NALCN: variants seen among roughly 807,000 people sequenced by gnomAD.
NALCN encodes the protein sodium leak channel NALCN.
In NALCN, 111 loss-of-function variants were observed where a neutral mutation model predicts 225.3. That is an observed-to-expected ratio of 0.49 (90% CI 0.42 to 0.58). The LOEUF (loss-of-function observed/expected upper bound fraction) is 0.58, where lower values mean the gene tolerates loss of function less well. Among genes scored for constraint, NALCN ranks in the 20% least tolerant of loss-of-function variants. The pLI, the probability that NALCN is intolerant of heterozygous loss-of-function variation, is 0.00. For synonymous variants in NALCN, 764 were observed against 769.0 expected, an observed-to-expected ratio of 0.99 and a Z score of 0.11; for missense variants, 1,378 against 2,202.4, an observed-to-expected ratio of 0.63 and a Z score of 7.49.
intron 13 of NALCN, among the ~76,000 whole-genome samples, chr13:101,203,740 T>A (rs377522528): frequency 7.9e-5 from 12 of 152,340 alleles, no homozygotes; most frequent in African/African-American, 2.9e-4. Flanking sequence ...TATTCTATAA[T>A]CTATTAACTG....
Position 101,089,046 on chromosome 13 carries a change from C to T in NALCN, c.3489+617G>A, listed in dbSNP as rs760648054. On this transcript the variant is annotated intron_variant, in intron 30 of 43. Transcript: ENST00000251127. The surrounding 1 kb of genome is among the most constrained non-coding windows in gnomAD (Gnocchi z 4.7). ...CCCAGTAGCTGGGATTACAGGCATGCGCCACCACGCCCGGCTAATTTTTGT... is the reference window on the plus strand; with the variant it reads ...CCCAGTAGCTGGGATTACAGGCATGTGCCACCACGCCCGGCTAATTTTTGT... Among the ~76,000 whole-genome samples, 9 of 151,846 alleles carry T rather than the reference C, an allele frequency of 5.9e-5. No homozygotes were observed. Among genetic ancestry groups the T allele is most frequent in the Non-Finnish European group, 1.2e-4 (8 of 67,916 alleles).
intron 18 of NALCN, chr13:101,116,456 TG>T: frequency 2.0e-6 from 1 of 507,382 alleles, no homozygotes; most frequent in Non-Finnish European, 3.9e-6. Context: ...GAGAGATCTT[TG>T]GAGCTTTATT....
intron 13 of NALCN, among the ~76,000 whole-genome samples, chr13:101,200,129 C>T (rs1218414341): frequency 1.3e-5 from 2 of 152,130 alleles, no homozygotes; most frequent in South Asian, 2.1e-4. Context: ...CCAGAATCAA[C>T]TCCACATTTT....
rs546733792 is a variant in NALCN at position 101,129,282 on chromosome 13, C to T, written c.2119-4601G>A. Among the ~76,000 whole-genome samples, 141 of 152,292 alleles carry T rather than the reference C, an allele frequency of 9.3e-4. 1 individual carries two copies. Among genetic ancestry groups the T allele is most frequent in the African/African-American group, 3.2e-3 (133 of 41,560 alleles). On this transcript the variant is annotated intron_variant, in intron 17 of 43. Transcript: ENST00000251127. ...TTTTACATGGTTGATTTTCTATCAT[C>T]GCTCAAGGTAACCAATTACTATTTA...
At chr13:101,333,036 A>G (rs1035845237) in intron 7 of NALCN, among the ~76,000 whole-genome samples, 10 of 152,112 alleles carry the variant, frequency 6.6e-5, no homozygotes, top group African/African-American at 2.4e-4. Flanking sequence ...ACATCATTCT[A>G]TTTTCAGTAC....
chr13:101,246,478 G>A (rs995578995), intron 11 of NALCN, among the ~76,000 whole-genome samples: 3 of 152,134 alleles, frequency 2.0e-5, no homozygotes, highest in Admixed American at 6.5e-5. Context: ...CTGATTACCT[G>A]TATCAGTCTG....
At chr13:101,395,588 A>T (rs548360472) in intron 2 of NALCN, among the ~76,000 whole-genome samples, 6 of 152,238 alleles carry the variant, frequency 3.9e-5, no homozygotes, top group Non-Finnish European at 8.8e-5. Context: ...ACATAAACAC[A>T]CTAAGACAGA....
At chr13:101,309,227 T>TAC (rs372397000) in intron 7 of NALCN, among the ~76,000 whole-genome samples, 25 of 151,778 alleles carry the variant, frequency 1.6e-4, no homozygotes, top group South Asian at 6.3e-4. Flanking sequence ...TTAAGAATAA[T>TAC]ACACACACAC....
intron 26 of NALCN, among the ~76,000 whole-genome samples, 159 bp from the exon 27 acceptor site, chr13:101,101,047 G>A (rs1356599378): frequency 6.6e-6 from 1 of 152,008 alleles, no homozygotes; most frequent in Non-Finnish European, 1.5e-5. Context: ...CACACAATTA[G>A]CCTTACTGGA....
chr13:101,204,665 AC>A (rs2040246709), intron 13 of NALCN, among the ~76,000 whole-genome samples: 1 of 152,182 alleles, frequency 6.6e-6, no homozygotes, highest in Admixed American at 6.6e-5. Context: ...ATTGGCAAAA[AC>A]CAGCGAATCT....
chr13:101,404,283 A>G (rs1338522097), intron 1 of NALCN, among the ~76,000 whole-genome samples: 1 of 152,230 alleles, frequency 6.6e-6, no homozygotes, highest in Non-Finnish European at 1.5e-5. Flanking sequence ...GCATAATGAG[A>G]TTCATGCAAA....
intron 37 of NALCN, among the ~76,000 whole-genome samples, chr13:101,072,646 C>T (rs1468449215): frequency 6.6e-6 from 1 of 152,122 alleles, no homozygotes; most frequent in African/African-American, 2.4e-5. Context: ...CTACTGTGTG[C>T]TAGGTTTGTG....
In NALCN at chr13:101,124,701, G is replaced by A; in HGVS notation, c.2119-20C>T. The A allele has an allele frequency of 3.7e-6, 6 of 1,603,914 alleles. No individual in the cohort carries two copies. The highest frequency in any genetic ancestry group is 5.1e-6 in the Non-Finnish European group (6 of 1,173,070). ...GCGAAGCTGAAAATGATAAGAGTAT[G>A]ACTTTTAGTTTTGGAATGTTAAGAA... On this transcript the variant is annotated intron_variant, in intron 17 of 43. Coordinates refer to ENST00000251127, the MANE Select transcript of NALCN (RefSeq NM_052867.4).
intron 17 of NALCN, among the ~76,000 whole-genome samples, chr13:101,130,123 C>T (rs944161863): frequency 6.6e-6 from 1 of 151,928 alleles, no homozygotes; most frequent in Admixed American, 6.6e-5. Context: ...TTATTTTTAC[C>T]TAAGCTTTTC....
chr13:101,129,605 C>T (rs1381168351), intron 17 of NALCN, among the ~76,000 whole-genome samples: 7 of 152,182 alleles, frequency 4.6e-5, no homozygotes. Context: ...AATGGTGTTT[C>T]AAGAACATAT....
chr13:101,368,367 T>C (rs1418042544), intron 6 of NALCN, among the ~76,000 whole-genome samples: 1 of 151,946 alleles, frequency 6.6e-6, no homozygotes, highest in African/African-American at 2.4e-5. Flanking sequence ...TATTCCATGG[T>C]GTATATGTGC....
chr13:101,222,394 C>T (rs964414356), intron 13 of NALCN, among the ~76,000 whole-genome samples: 3 of 152,124 alleles, frequency 2.0e-5, no homozygotes, highest in Non-Finnish European at 4.4e-5. Flanking sequence ...CACCTAATCC[C>T]GCCTCTCTTT....
intron 9 of NALCN, among the ~76,000 whole-genome samples, chr13:101,289,635 C>T (rs1257515722): frequency 6.6e-6 from 1 of 151,704 alleles, no homozygotes; most frequent in African/African-American, 2.4e-5. Flanking sequence ...ACCCTTTAGT[C>T]CTTTGATGAG....
chr13:101,159,312 A>T (rs1216001651), intron 15 of NALCN, among the ~76,000 whole-genome samples: 2 of 152,074 alleles, frequency 1.3e-5, no homozygotes, highest in African/African-American at 2.4e-5. Context: ...CTCAGAGGAG[A>T]TTACTTATCT....
Sources: gnomAD v4.1 joint callset for allele counts (sites outside exome capture counted in the v4.1 genomes callset) on GRCh38, gnomAD v4.1.1 for gene constraint, Gnocchi (gnomAD v3.1) non-coding constraint, MANE v1.5 for transcripts, NCBI Gene and HGNC (gene_info 2026-07-23, HGNC 2026-07-21) for gene names.